Variants in AMZ2 observed in about 807,000 individuals in gnomAD.
AMZ2 encodes archaemetzincin-2.
AMZ2 carries 26 observed loss-of-function variants against 36.7 expected under a neutral mutation model. The observed-to-expected ratio is 0.71, with a 90% confidence interval of 0.52 to 0.98. AMZ2 has a LOEUF of 0.98. AMZ2 is among the 50% of genes least tolerant of loss of function. The probability of loss-of-function intolerance (pLI) is 0.00; values close to 1 mark genes in which losing one functional copy is unlikely to be tolerated. For synonymous variants in AMZ2, 144 were observed against 149.1 expected (o/e 0.97, Z 0.25); for missense variants, 394 against 430.5 (o/e 0.92, Z 0.75).
intron 1 of AMZ2, among the ~76,000 whole-genome samples, chr17:68,222,727 C>T (rs187368076): frequency 3.3e-5 from 5 of 152,172 alleles, no homozygotes. Flanking sequence ...GTTTGCACTC[C>T]TAAGAAAATC....
At chr17:68,224,347 G>C (rs1555729339) in intron 1 of AMZ2, among the ~76,000 whole-genome samples, 1 of 152,172 alleles carries the variant, frequency 6.6e-6, no homozygotes, top group African/African-American at 2.4e-5. Flanking sequence ...AAGAACATGG[G>C]CTTTACCATA....
intron 1 of AMZ2, chr17:68,206,354 C>G: frequency 9.3e-7 from 1 of 1,080,598 alleles, no homozygotes; most frequent in Non-Finnish European, 1.2e-6. Context: ...GCCTCCCCCC[C>G]AAACAGAGGG....
chr17:68,210,674 G>A (rs1203020702), intron 1 of AMZ2, among the ~76,000 whole-genome samples: 1 of 152,194 alleles, frequency 6.6e-6, no homozygotes, highest in Non-Finnish European at 1.5e-5. Flanking sequence ...ACAACCAGGT[G>A]TGGTAGCTCA....
At chr17:68,245,600 C>G (rs1275549653), upstream of AMZ2, among the ~76,000 whole-genome samples, 2 of 152,026 alleles carry the variant, frequency 1.3e-5, no homozygotes, top group Non-Finnish European at 2.9e-5. Context: ...ATAATGCTAT[C>G]CTAAAATTTG....
chr17:68,245,119 G>C (rs140502838), upstream of AMZ2, among the ~76,000 whole-genome samples: 50 of 151,544 alleles, frequency 3.3e-4, no homozygotes, highest in East Asian at 9.3e-3. Context: ...AATGCAGACA[G>C]ACTATGGTTC....
chr17:68,215,808 T>C (rs574594775), intron 1 of AMZ2, among the ~76,000 whole-genome samples: 2 of 150,588 alleles, frequency 1.3e-5, no homozygotes, highest in South Asian at 4.3e-4. Flanking sequence ...CTGTGCTGCT[T>C]GTCCTTACCC....
chr17:68,223,219 T>G (rs1461415368), intron 1 of AMZ2, among the ~76,000 whole-genome samples: 9 of 152,170 alleles, frequency 5.9e-5, no homozygotes, highest in African/African-American at 2.2e-4. Flanking sequence ...AAGGAGATCA[T>G]GCCCTCATTG....
At position 68,209,782 on chromosome 17, in the gene AMZ2, G is replaced by C. The variant is rs569546348; in HGVS notation, c.-67+3544G>C. On this transcript the variant is annotated intron_variant, in intron 1 of 7. Coordinates refer to the AMZ2 transcript ENST00000674770. Reference sequence around the variant, plus strand: ...ATTACAGGTGCCTGCCACCATACCCGGCTAAGTTTTGTATGTTTAGTAGAG... The same window carrying C: ...ATTACAGGTGCCTGCCACCATACCCCGCTAAGTTTTGTATGTTTAGTAGAG... Among the ~76,000 whole-genome samples, 28 of 148,564 alleles carry C rather than the reference G, an allele frequency of 1.9e-4. No individual in the cohort carries two copies. In the South Asian group the frequency reaches 5.7e-3, roughly 30 times the overall value.
chr17:68,207,380 C>A (rs1232547976), intron 1 of AMZ2: 2 of 137,922 alleles, frequency 1.5e-5, no homozygotes, highest in African/African-American at 5.5e-5. Flanking sequence ...GTGAAATTAA[C>A]GTAACCGAAG....
chr17:68,255,591 A>G, intron 5 of AMZ2, 109 bp from the exon 6 acceptor site: 1 of 1,151,480 alleles, frequency 8.7e-7, no homozygotes, highest in Non-Finnish European at 1.2e-6. Flanking sequence ...TTTTGGTGGT[A>G]ATGGTAAGGG....
chr17:68,232,935 T>G (rs1308163304), intron 1 of AMZ2, among the ~76,000 whole-genome samples: 1 of 152,230 alleles, frequency 6.6e-6, no homozygotes, highest in African/African-American at 2.4e-5. Context: ...GAGATGCACT[T>G]GCCAAGTGTC....
intron 1 of AMZ2, among the ~76,000 whole-genome samples, chr17:68,219,954 T>C (rs141806894): frequency 0.02 from 3,073 of 152,240 alleles, 103 homozygotes; most frequent in African/African-American, 0.069. Context: ...GCCCATCAGA[T>C]TCAATCTAAT....
chr17:68,229,100 C>T (rs1203235742), intron 1 of AMZ2, among the ~76,000 whole-genome samples: 2 of 152,130 alleles, frequency 1.3e-5, no homozygotes, highest in African/African-American at 2.4e-5. Flanking sequence ...GGCCTCTATC[C>T]CTCTCTCCCT....
At chr17:68,207,878 C>T (rs1157498171) in intron 1 of AMZ2, among the ~76,000 whole-genome samples, 3 of 150,802 alleles carry the variant, frequency 2.0e-5, no homozygotes, top group East Asian at 3.9e-4. Context: ...AGGCGGGAAC[C>T]GGGGCTGCGA....
At chr17:68,209,632 A>ATATATGTATATATATATTTTT in intron 1 of AMZ2, among the ~76,000 whole-genome samples, 1 of 90,702 alleles carries the variant, frequency 1.1e-5, no homozygotes, top group African/African-American at 5.0e-5. Flanking sequence ...ATATATATAT[A>ATATATGTATATATATATTTTT]TTTTTTTTTT....
chr17:68,252,923 ATTTAC>A (rs1304106687), intron 4 of AMZ2, among the ~76,000 whole-genome samples: 1 of 152,198 alleles, frequency 6.6e-6, no homozygotes, highest in African/African-American at 2.4e-5. Context: ...CCCAAACTGT[ATTTAC>A]TTTAATTCTT....
chr17:68,216,173 G>A (rs1243231043), intron 1 of AMZ2, among the ~76,000 whole-genome samples: 1 of 151,908 alleles, frequency 6.6e-6, no homozygotes, highest in African/African-American at 2.4e-5. Flanking sequence ...TCTCACTGTC[G>A]CCCAGGCTAG....
upstream of AMZ2, among the ~76,000 whole-genome samples, chr17:68,245,401 C>CTT (rs57298607): frequency 2.8e-5 from 4 of 145,084 alleles, no homozygotes; most frequent in East Asian, 2.0e-4. Flanking sequence ...CTACACCTGG[C>CTT]TTTTTTTTTT....
intron 1 of AMZ2, among the ~76,000 whole-genome samples, chr17:68,238,217 C>CT (rs782266783): frequency 1.3e-5 from 2 of 152,180 alleles, no homozygotes; most frequent in East Asian, 1.9e-4. Context: ...CTTTCTTCTT[C>CT]TTTTTTTAAA....
Sources: allele counts gnomAD v4.1 joint callset (sites outside exome capture counted in the v4.1 genomes callset), GRCh38; gene constraint gnomAD v4.1.1; transcripts MANE v1.5; gene names NCBI Gene and HGNC (gene_info 2026-07-23, HGNC 2026-07-21).